The following NSD2 variants were observed in gnomAD, a reference collection of about 807,000 sequenced individuals.
The protein encoded by NSD2 is nuclear receptor binding SET domain protein 2.
NSD2 carries 12 observed loss-of-function variants against 139.0 expected under a neutral mutation model. The ratio of observed to expected loss-of-function variants is 0.09; its 90% confidence interval spans 0.06 to 0.14. The LOEUF (loss-of-function observed/expected upper bound fraction) is 0.14. Among genes scored for constraint, NSD2 ranks in the 10% least tolerant of loss-of-function variants. The probability of loss-of-function intolerance (pLI) is 1.00; values close to 1 mark genes in which losing one functional copy is unlikely to be tolerated. For synonymous variants in NSD2, 669 were observed against 648.7 expected, an observed-to-expected ratio of 1.03 and a Z score of -0.48; for missense variants, 1,155 against 1,745.0, an observed-to-expected ratio of 0.66 and a Z score of 6.02.
chr4:1,897,321 A>T (rs79768526), intron 1 of NSD2, among the ~76,000 whole-genome samples: 2,168 of 152,220 alleles, frequency 0.014, 50 homozygotes, highest in Middle Eastern at 0.062. Flanking sequence ...TCTCTACAAA[A>T]AAAGGGTTAA....
Position 1,974,772 on chromosome 4 carries a change from T to G in NSD2, c.3373-91T>G, listed in dbSNP as rs1049069993. The G allele has an allele frequency of 1.3e-6, 2 of 1,565,452 alleles. No individual in the cohort carries two copies. On this transcript the variant is annotated intron_variant, in intron 18 of 21. Transcript: ENST00000508803. This position sits in a 1 kb window ranked among gnomAD's most constrained non-coding sequence, Gnocchi z 4.0. ...TTTTCAGTACAACAAGGAACACAACTTGTTCAATGTGCTTTATGATGGTGA... is the reference window on the plus strand; with the variant it reads ...TTTTCAGTACAACAAGGAACACAACGTGTTCAATGTGCTTTATGATGGTGA...
chr4:1,938,406 T>C, intron 7 of NSD2, 45 bp from the exon 8 acceptor site: 2 of 1,236,680 alleles, frequency 1.6e-6, no homozygotes, highest in East Asian at 3.0e-5. Flanking sequence ...CTTTTCTTTT[T>C]TTTTTCTTTC....
rs147926959 is a variant in NSD2, at chr4:1,900,780, C to T, written c.126C>T (p.Arg42=). 102 of 1,613,992 alleles carry T rather than the reference C, an allele frequency of 6.3e-5. No individual in the cohort carries two copies. The highest frequency in any genetic ancestry group is 9.3e-5 in the African/African-American group (7 of 74,890). Residue 42 remains arginine (R), a synonymous_variant, in exon 2 of 22, where the codon CGC becomes CGT. Transcript: ENST00000508803. ...AGACTCCGAGCTGCGAGGTGAACCG[C>T]GAGTGTTCTGTGTTCCTCAGCAAAG... The part of the protein sequence containing the change: ...NGKTPSCEVN[R]ECSVFLSKAQ...
At chr4:1,890,248 C>T (rs547869077) in intron 1 of NSD2, among the ~76,000 whole-genome samples, 5 of 152,170 alleles carry the variant, frequency 3.3e-5, no homozygotes, top group South Asian at 2.1e-4. Flanking sequence ...TTTGCTATTA[C>T]GAATAATGCT....
chr4:1,952,013 C>T, intron 10 of NSD2, 95 bp from the exon 11 acceptor site: 1 of 1,522,924 alleles, frequency 6.6e-7, no homozygotes, highest in Non-Finnish European at 8.8e-7. Flanking sequence ...ATGGGATTTT[C>T]TGCCACTGGA....
intron 1 of NSD2, among the ~76,000 whole-genome samples, chr4:1,890,286 T>C (rs1219191563): frequency 6.6e-6 from 1 of 152,066 alleles, no homozygotes; most frequent in African/African-American, 2.4e-5. Context: ...ACAAGTTTTT[T>C]TTGTTTTGTT....
rs1725102461 is a variant in NSD2, at chr4:1,958,985, G to A, written c.2986-486G>A. On this transcript the variant is annotated intron_variant, in intron 16 of 21. Transcript: ENST00000508803. The surrounding 1 kb of genome is among the most constrained non-coding windows in gnomAD (Gnocchi z 4.6). ...AATAGTAAACCACAAGGTCATGAGAGCAGAGGCTATGCCCTCCTGCCTAGC... is the reference window on the plus strand; with the variant it reads ...AATAGTAAACCACAAGGTCATGAGAACAGAGGCTATGCCCTCCTGCCTAGC... 6.6e-6 allele frequency among the ~76,000 whole-genome samples: 1 copy of A among 152,206 alleles called. No individual in the cohort carries two copies. Among genetic ancestry groups the A allele is most frequent in the African/African-American group, 2.4e-5 (1 of 41,450 alleles).
At chr4:1,892,570 CTCT>C (rs1305101118) in intron 1 of NSD2, among the ~76,000 whole-genome samples, 3 of 149,792 alleles carry the variant, frequency 2.0e-5, no homozygotes, top group African/African-American at 7.6e-5. Flanking sequence ...CCACTGATAA[CTCT>C]TTTTTTTTTT....
chr4:1,912,117 C>A, intron 3 of NSD2: 3 of 406,000 alleles, frequency 7.4e-6, no homozygotes, highest in South Asian at 3.6e-5. Flanking sequence ...GAAGTTTGAA[C>A]ACTTAAAAAC....
chr4:1,932,439 CAAAAAAAA>C (rs776037394), intron 6 of NSD2, among the ~76,000 whole-genome samples: 2 of 65,408 alleles, frequency 3.1e-5, no homozygotes, highest in African/African-American at 4.9e-5. Context: ...AGTCAATCTC[CAAAAAAAA>C]AAAAAAAAAA....
intron 18 of NSD2, among the ~76,000 whole-genome samples, chr4:1,961,607 T>C (rs1345968622): frequency 6.6e-6 from 1 of 152,244 alleles, no homozygotes; most frequent in Non-Finnish European, 1.5e-5. Context: ...CTAACCATTT[T>C]GGAACCTAGG....
intron 6 of NSD2, among the ~76,000 whole-genome samples, chr4:1,933,778 A>G (rs1721972019): frequency 1.3e-5 from 2 of 152,192 alleles, no homozygotes; most frequent in South Asian, 4.1e-4. Flanking sequence ...TATTGGATTT[A>G]TATTTAAAAT....
At chr4:1,975,468 T>TC in intron 20 of NSD2, 68 bp downstream of exon 20, 1 of 1,439,268 alleles carries the variant, frequency 6.9e-7, no homozygotes, top group Middle Eastern at 2.2e-4. Flanking sequence ...GAGACCTGTG[T>TC]CCCCCGTGAA....
chr4:1,877,312 T>C (rs1303378063), intron 1 of NSD2, among the ~76,000 whole-genome samples: 1 of 152,154 alleles, frequency 6.6e-6, no homozygotes, highest in Non-Finnish European at 1.5e-5. Context: ...CACTGCCTTG[T>C]CTTTCTAAAA....
chr4:1,934,175 T>G (rs1412044938), intron 6 of NSD2, among the ~76,000 whole-genome samples: 1 of 149,806 alleles, frequency 6.7e-6, no homozygotes, highest in Non-Finnish European at 1.5e-5. Context: ...AACCTCCACC[T>G]CCTGGGTTCA....
At position 1,941,721 on chromosome 4, in the gene NSD2, A is replaced by G. The variant is rs894689684; in HGVS notation, c.1881+1943A>G. ...ACGTTTAAATTACTGGGTCTTTTCC[A>G]TTAAACTACTTTTGTATGGCTTAGA... is the stretch of plus-strand genomic sequence containing the variant. On this transcript the variant is annotated intron_variant, in intron 9 of 21. Coordinates refer to ENST00000508803, the MANE Select transcript of NSD2 (RefSeq NM_001042424.3). 16 of 1,047,002 alleles carry G rather than the reference A, an allele frequency of 1.5e-5. No individual in the cohort carries two copies. In the African/African-American group the frequency reaches 2.7e-4, roughly 17 times the overall value. 64.9% of individuals were successfully genotyped at this position (1,047,002 alleles called of 1,614,324 possible).
chr4:1,939,548 A>C, intron 8 of NSD2, 106 bp from the exon 9 acceptor site: 1 of 1,158,020 alleles, frequency 8.6e-7, no homozygotes. Flanking sequence ...AAAGGAATTC[A>C]GAAGATTCAT....
chr4:1,949,177 C>T (rs140217665), intron 9 of NSD2, among the ~76,000 whole-genome samples: 67 of 152,354 alleles, frequency 4.4e-4, no homozygotes, highest in African/African-American at 1.5e-3. Context: ...GGTTTGAACT[C>T]AGAGCACGTC....
At chr4:1,901,953 G>A (rs1453520539) in intron 2 of NSD2, among the ~76,000 whole-genome samples, 1 of 152,164 alleles carries the variant, frequency 6.6e-6, no homozygotes, top group Non-Finnish European at 1.5e-5. Flanking sequence ...GTGTCTCCAC[G>A]CCTTCACGTG....
Sources: gnomAD v4.1 joint callset for allele counts (sites outside exome capture counted in the v4.1 genomes callset) on GRCh38, gnomAD v4.1.1 for gene constraint, Gnocchi (gnomAD v3.1) non-coding constraint, MANE v1.5 for transcripts, NCBI Gene and HGNC (gene_info 2026-07-23, HGNC 2026-07-21) for gene names.